SLF1: variants seen among roughly 807,000 people sequenced by gnomAD.
The protein encoded by SLF1 is SMC5/6 complex localization factor 1, also known as SMC5-SMC6 complex localization factor protein 1.
Under a neutral mutation model 123.0 loss-of-function variants are expected in SLF1, and 105 were observed. The ratio of observed to expected loss-of-function variants is 0.85; its 90% CI spans 0.73 to 1.00. The LOEUF is 1.00. SLF1 is among the 50% of genes least tolerant of loss of function. The probability of loss-of-function intolerance (pLI) is 0.00; values close to 1 mark genes in which losing one functional copy is unlikely to be tolerated. For missense variants in SLF1, 1,239 were observed against 1,223.0 expected (o/e 1.01, Z -0.20); for synonymous variants, 434 against 406.6 (o/e 1.07, Z -0.81).
chr5:94,679,253 C>T (rs1438788952), intron 15 of SLF1, among the ~76,000 whole-genome samples: 1 of 152,098 alleles, frequency 6.6e-6, no homozygotes, highest in Non-Finnish European at 1.5e-5. Context: ...TTATTTTCCT[C>T]TAAACATTAC....
chr5:94,653,177 G>A, intron 7 of SLF1, 95 bp from the exon 8 acceptor site: 1 of 1,205,798 alleles, frequency 8.3e-7, no homozygotes, highest in Non-Finnish European at 1.1e-6. Context: ...ATTTTTTAAT[G>A]TGTATGAAAG....
rs1585243027 is a variant in SLF1, at chr5:94,690,254, T to C, written c.2419+648T>C. Among the ~76,000 whole-genome samples, 6 of 152,142 alleles carry C rather than the reference T, an allele frequency of 3.9e-5. No homozygotes were observed. The South Asian group carries it at 1.2e-3, about 31-fold the overall frequency. On this transcript the variant is annotated intron_variant, in intron 18 of 20. Coordinates refer to ENST00000265140, the MANE Select transcript of SLF1 (RefSeq NM_032290.4). Reference sequence around the variant, plus strand: ...TGGCCAAAGTAAATTGCTGAGTCTTTTTTGTTGTTGTTGTTTATGAGTTAT... The same window carrying C: ...TGGCCAAAGTAAATTGCTGAGTCTTCTTTGTTGTTGTTGTTTATGAGTTAT...
chr5:94,687,763 C>T (rs533432661), intron 16 of SLF1, among the ~76,000 whole-genome samples: 9 of 152,018 alleles, frequency 5.9e-5, no homozygotes, highest in Admixed American at 4.6e-4. Context: ...TACTTTTGAG[C>T]GTAGCCAAGG....
At chr5:94,625,636 G>A (rs1394481099) in intron 1 of SLF1, among the ~76,000 whole-genome samples, 1 of 152,026 alleles carries the variant, frequency 6.6e-6, no homozygotes, top group African/African-American at 2.4e-5. Context: ...ACCCACCTTG[G>A]CTTACCAAAG....
chr5:94,634,895 T>G (rs1180988302), intron 4 of SLF1, among the ~76,000 whole-genome samples: 1 of 152,218 alleles, frequency 6.6e-6, no homozygotes, highest in Non-Finnish European at 1.5e-5. Flanking sequence ...TTAATCAGGT[T>G]GTTTTCTTGC....
chr5:94,694,185 T>A (rs1937682733), intron 20 of SLF1, among the ~76,000 whole-genome samples: 1 of 151,930 alleles, frequency 6.6e-6, no homozygotes, highest in African/African-American at 2.4e-5. Context: ...CATCATCCTT[T>A]AGTACTTAGT....
intron 6 of SLF1, among the ~76,000 whole-genome samples, chr5:94,650,444 G>A (rs1747562066): frequency 6.7e-6 from 1 of 150,022 alleles, no homozygotes. Flanking sequence ...CTCACTGCAA[G>A]CTCTGCCTCC....
intron 4 of SLF1, among the ~76,000 whole-genome samples, chr5:94,636,361 T>C (rs1180195103): frequency 6.6e-6 from 1 of 152,202 alleles, no homozygotes; most frequent in Middle Eastern, 3.2e-3. Flanking sequence ...ATTATTTCCA[T>C]AAATATGCTT....
intron 12 of SLF1, among the ~76,000 whole-genome samples, chr5:94,669,026 A>G (rs1479241606): frequency 6.6e-6 from 1 of 152,206 alleles, no homozygotes; most frequent in African/African-American, 2.4e-5. Flanking sequence ...GCTGTAGGTG[A>G]TAGATTTTGG....
At chr5:94,660,888 G>A (rs1203580085) in intron 9 of SLF1, among the ~76,000 whole-genome samples, 1 of 152,160 alleles carries the variant, frequency 6.6e-6, no homozygotes, top group Non-Finnish European at 1.5e-5. Context: ...TGGCCTCCCT[G>A]GTGCTCTCCA....
intron 9 of SLF1, among the ~76,000 whole-genome samples, chr5:94,661,201 G>A (rs1749059871): frequency 6.6e-6 from 1 of 152,116 alleles, no homozygotes; most frequent in South Asian, 2.1e-4. Context: ...ACTAGTCTCT[G>A]GGCCAGTGAG....
At chr5:94,667,183 A>G (rs1749869342) in intron 12 of SLF1, among the ~76,000 whole-genome samples, 1 of 152,110 alleles carries the variant, frequency 6.6e-6, no homozygotes, top group Non-Finnish European at 1.5e-5. Context: ...GGAGAGCCAG[A>G]CACTGTACTA....
intron 12 of SLF1, among the ~76,000 whole-genome samples, chr5:94,666,473 A>G (rs1329503944): frequency 6.6e-6 from 1 of 152,140 alleles, no homozygotes; most frequent in Non-Finnish European, 1.5e-5. Context: ...TAAATATGTC[A>G]TCTCTTTTAT....
rs1415641207 is a variant in SLF1 at position 94,651,703 on chromosome 5, A to G, written c.740A>G (p.Lys247Arg). The change falls in exon 7 of 21, where the codon AAA becomes AGA. Residue 247 changes from lysine to arginine, a missense_variant and splice_region_variant. By Grantham distance (26) the Lys-to-Arg change is conservative. Transcript: ENST00000265140. The stretch of plus-strand genomic sequence containing the variant: ...TAAATTATGTTTACAAACACGCAGA[A>G]AGAAATGCAAAATCATGAAGATGTT... ...ALRETMYRTQ[K>R]EMQNHEDVNV... 6.6e-7 allele frequency: 1 copy of G among 1,521,634 alleles called. No homozygotes were observed. Among genetic ancestry groups the G allele is most frequent in the African/African-American group, 1.4e-5 (1 of 71,200 alleles). 94.3% of individuals were successfully genotyped at this position (1,521,634 alleles called of 1,614,324 possible).
At chr5:94,692,484 A>G (rs1395740598) in intron 20 of SLF1, among the ~76,000 whole-genome samples, 3 of 152,056 alleles carry the variant, frequency 2.0e-5, no homozygotes, top group Non-Finnish European at 2.9e-5. Flanking sequence ...TATTAAGCCT[A>G]TTTAGGTTCG....
At chr5:94,655,708 CT>C in intron 9 of SLF1, among the ~76,000 whole-genome samples, 1 of 152,084 alleles carries the variant, frequency 6.6e-6, no homozygotes, top group East Asian at 1.9e-4. Flanking sequence ...ATTTTTAGAG[CT>C]CTTCTAAATG....
intron 12 of SLF1, among the ~76,000 whole-genome samples, chr5:94,667,164 A>T (rs191473208): frequency 1.4e-4 from 21 of 152,188 alleles, no homozygotes; most frequent in African/African-American, 5.1e-4. Flanking sequence ...CAAATTCTTG[A>T]GTACTTACGG....
At chr5:94,689,723 C>A in intron 18 of SLF1, 117 bp downstream of exon 18, 1 of 844,680 alleles carries the variant, frequency 1.2e-6, no homozygotes, top group Non-Finnish European at 1.8e-6. Context: ...GGACTAGGTC[C>A]AGGAAGTACC....
chr5:94,623,261 A>C (rs747944644), intron 1 of SLF1, among the ~76,000 whole-genome samples: 38 of 152,260 alleles, frequency 2.5e-4, no homozygotes, highest in Admixed American at 4.6e-4. Flanking sequence ...CCACAGAGAC[A>C]GTTGCTTGCT....
Sources: gnomAD v4.1 joint callset for allele counts (sites outside exome capture counted in the v4.1 genomes callset) on GRCh38, gnomAD v4.1.1 for gene constraint, MANE v1.5 for transcripts, NCBI Gene and HGNC (gene_info 2026-07-23, HGNC 2026-07-21) for gene names.